The following ZNF19 variants were observed in gnomAD, a reference collection of about 807,000 sequenced individuals.
ZNF19 encodes zinc finger protein 19 (KOX 12).
ZNF19 carries 11 observed loss-of-function variants against 13.1 expected under a neutral mutation model. The ratio of observed to expected loss-of-function variants is 0.84; its 90% CI spans 0.53 to 1.39. ZNF19 has a LOEUF of 1.39. Ranked by LOEUF, ZNF19 falls within the 40% of genes most tolerant of loss-of-function variation. The pLI, the probability that ZNF19 is intolerant of heterozygous loss-of-function variation, is 0.00. For synonymous variants in ZNF19, 186 were observed against 187.0 expected, an observed-to-expected ratio of 0.99 and a Z score of 0.04; for missense variants, 560 against 547.0, an observed-to-expected ratio of 1.02 and a Z score of -0.24.
chr16:71,483,474 T>C (rs1227787996), intron 2 of ZNF19, among the ~76,000 whole-genome samples: 1 of 152,194 alleles, frequency 6.6e-6, no homozygotes, highest in Non-Finnish European at 1.5e-5. Flanking sequence ...AGGACCTTCA[T>C]ACCTGCTGTT....
rs1313143599 is a variant in ZNF19, at chr16:71,473,702, A to G, written c.*1468T>C. 1 of 152,170 alleles carries G rather than the reference A, an allele frequency of 6.6e-6. No homozygotes were observed. Among genetic ancestry groups the G allele is most frequent in the Non-Finnish European group, 1.5e-5 (1 of 68,054 alleles). 9.4% of individuals were successfully genotyped at this position (152,170 alleles called of 1,614,324 possible). On this transcript the variant is annotated 3_prime_UTR_variant, in exon 6 of 6. Coordinates refer to ENST00000288177, the MANE Select transcript of ZNF19 (RefSeq NM_006961.4). ...CGGGTTCAAGCAATTCGCCTGCCCC[A>G]GCTTCCTGAGCAGCTGGGACTACAG...
chr16:71,479,116 A>G, intron 3 of ZNF19, 111 bp from the exon 4 acceptor site: 1 of 1,468,704 alleles, frequency 6.8e-7, no homozygotes, highest in Non-Finnish European at 9.5e-7. Flanking sequence ...AGGGATAGGT[A>G]ATGAGAAAAT....
chr16:71,482,046 C>T, intron 3 of ZNF19, 36 bp downstream of exon 3: 2 of 1,612,358 alleles, frequency 1.2e-6, no homozygotes, highest in Non-Finnish European at 1.7e-6. Context: ...TCAACTCAGA[C>T]CTCCATAGAG....
At position 71,475,099 on chromosome 16, in the gene ZNF19, G is replaced by A; in HGVS notation, c.*71C>T. On this transcript the variant is annotated 3_prime_UTR_variant, in exon 6 of 6. Coordinates refer to ENST00000288177, the MANE Select transcript of ZNF19 (RefSeq NM_006961.4). ...GAGGGATGGATCAGAGGCTGAGTCA[G>A]GCCTGTGTCACACATTCCATTCCTG... 3 of 1,471,734 alleles carry A rather than the reference G, an allele frequency of 2.0e-6. No homozygotes were observed. Among genetic ancestry groups the A allele is most frequent in the Non-Finnish European group, 2.7e-6 (3 of 1,103,290 alleles). The allele number at this position is 1,471,734 out of a possible 1,614,324, so 91.2% of individuals were successfully genotyped here. A position where few individuals can be genotyped will look rare whatever the true frequency, so the allele number is the denominator to read the frequency against.
rs775965261 is a variant in ZNF19, at chr16:71,478,276, C to G, written c.226G>C (p.Glu76Gln). 6.2e-7 allele frequency: 1 copy of G among 1,614,100 alleles called. No homozygotes were observed. Among genetic ancestry groups the G allele is most frequent in the South Asian group, 1.1e-5 (1 of 91,060 alleles). ...LERGDMAWGLEAQDDPPAERT... is the reference protein window; with the variant it reads ...LERGDMAWGLQAQDDPPAERT... ...TCTGCTGGGGGATCATCCTGTGCTT[C>G]CAGGCCCCAAGCCATGTCCCCTCTC... The change falls in exon 5 of 6, where the codon GAA (glutamate) becomes CAA (glutamine). Residue 76 changes from glutamate (E) to glutamine (Q), a missense_variant. Transcript: ENST00000288177.
At chr16:71,488,630 C>T (rs1355238490) in intron 1 of ZNF19, among the ~76,000 whole-genome samples, 1 of 152,096 alleles carries the variant, frequency 6.6e-6, no homozygotes, top group Non-Finnish European at 1.5e-5. Context: ...GAAACCCCGT[C>T]TCTACTAAAA....
In ZNF19 at chr16:71,478,810, C is replaced by G. The variant is rs999690539; in HGVS notation, c.160+69G>C. 2.1e-5 allele frequency: 33 copies of G among 1,577,662 alleles called. 1 individual carries two copies. The highest frequency in any genetic ancestry group is 4.5e-5 in the East Asian group (2 of 44,514). ...TCCTCTCCACTCCACACTCCTCCCC[C>G]CAGGCTGTAAAAGAAGGAAGGAAAC... On this transcript the variant is annotated intron_variant, in intron 4 of 5. Coordinates refer to ENST00000288177, the MANE Select transcript of ZNF19 (RefSeq NM_006961.4).
rs550803737 is a variant in ZNF19 at position 71,474,688 on chromosome 16, C to T, written c.*482G>A. On this transcript the variant is annotated 3_prime_UTR_variant, in exon 6 of 6. Coordinates refer to ENST00000288177, the MANE Select transcript of ZNF19 (RefSeq NM_006961.4). ...CCCTGAAAACTTCAAACAACTGCTA[C>T]AATGACAACACTGTTTAAGTCAAAA... The T allele has an allele frequency of 6.3e-6, 1 of 158,552 alleles. No individual in the cohort carries two copies. Among genetic ancestry groups the T allele is most frequent in the African/African-American group, 2.4e-5 (1 of 41,488 alleles). 9.8% of individuals were successfully genotyped at this position (158,552 alleles called of 1,614,324 possible). A position where few individuals can be genotyped will look rare whatever the true frequency, so the allele number is the denominator to read the frequency against.
In ZNF19 at chr16:71,484,756, A is replaced by G. The variant is rs2043664344; in HGVS notation, c.-189-8T>C. On this transcript the variant is annotated splice_region_variant and splice_polypyrimidine_tract_variant and intron_variant, in intron 1 of 5. Transcript: ENST00000288177. ...CCGGGGATCCTCAGAGACCTTGAAT[A>G]GGAAAGAAAGTATATCATTGTTTTC... 1 of 984,636 alleles carries G rather than the reference A, an allele frequency of 1.0e-6. No individual in the cohort carries two copies. Among genetic ancestry groups the G allele is most frequent in the African/African-American group, 1.7e-5 (1 of 57,220 alleles). 61.0% of individuals were successfully genotyped at this position (984,636 alleles called of 1,614,324 possible). A position where few individuals can be genotyped will look rare whatever the true frequency, so the allele number is the denominator to read the frequency against.
Position 71,484,583 on chromosome 16 carries a change from A to C in ZNF19, c.-30+6T>G, listed in dbSNP as rs1293781920. The C allele has an allele frequency of 1.0e-6, 1 of 985,080 alleles. No individual in the cohort carries two copies. The highest frequency in any genetic ancestry group is 1.2e-6 in the Non-Finnish European group (1 of 829,912). 61.0% of individuals were successfully genotyped at this position (985,080 alleles called of 1,614,324 possible). A position where few individuals can be genotyped will look rare whatever the true frequency, so the allele number is the denominator to read the frequency against. On this transcript the variant is annotated splice_donor_region_variant and intron_variant, in intron 2 of 5. Coordinates refer to ENST00000288177, the MANE Select transcript of ZNF19 (RefSeq NM_006961.4). ...GGACTCCTAGGCGACAAACCCCAACACTCACCTCAGGAAAAACAGAAAGCG... is the reference window on the plus strand; with the variant it reads ...GGACTCCTAGGCGACAAACCCCAACCCTCACCTCAGGAAAAACAGAAAGCG...
intron 3 of ZNF19, among the ~76,000 whole-genome samples, chr16:71,480,719 A>C (rs2043631805): frequency 6.6e-6 from 1 of 152,230 alleles, no homozygotes; most frequent in African/African-American, 2.4e-5. Flanking sequence ...TCTTGAATGA[A>C]TCACCACTAA....
In ZNF19 at chr16:71,475,521, T is replaced by C. The variant is rs750391600; in HGVS notation, c.1026A>G (p.Thr342=). 1 of 1,613,540 alleles carries C rather than the reference T, an allele frequency of 6.2e-7. No homozygotes were observed. The highest frequency in any genetic ancestry group is 8.5e-7 in the Non-Finnish European group (1 of 1,179,822). ...GAATTCTCTGGTGCCGAGTTAGTTT[T>C]GTATGAAAATTGAAGGCTTGTCCAC... ...KVCGQAFNFH[T]KLTRHQRIHS... is the part of the protein sequence containing the mutation. Residue 342 remains threonine, a synonymous_variant, in exon 6 of 6, where the codon ACA becomes ACG. Transcript: ENST00000288177.
intron 5 of ZNF19, among the ~76,000 whole-genome samples, chr16:71,477,706 T>C (rs145021855): frequency 6.6e-6 from 1 of 152,260 alleles, no homozygotes; most frequent in Admixed American, 6.5e-5. Context: ...CCTCACGCCC[T>C]GTGCTCAGCT....
chr16:71,482,598 G>A (rs749537712), intron 2 of ZNF19, among the ~76,000 whole-genome samples: 2 of 152,114 alleles, frequency 1.3e-5, no homozygotes, highest in Admixed American at 1.3e-4. Flanking sequence ...CAAATGAGAA[G>A]ACAAGGCTAA....
At chr16:71,482,302 A>T in intron 2 of ZNF19, 159 bp from the exon 3 acceptor site, 1 of 636,320 alleles carries the variant, frequency 1.6e-6, no homozygotes, top group Non-Finnish European at 2.7e-6. Flanking sequence ...TCATACCATG[A>T]GGTTTGTAAT....
Position 71,475,934 on chromosome 16 carries a change from T to A in ZNF19, c.613A>T (p.Ile205Phe), listed in dbSNP as rs369036617. ...GKAFNGNSSL[I>F]RHQRIHTGER... is the part of the protein sequence containing the mutation. ...CCAGTGTGAATCCTCTGGTGCCGAATTAACGAAGAATTACCATTAAAGGCT... is the reference window on the plus strand; with the variant it reads ...CCAGTGTGAATCCTCTGGTGCCGAAATAACGAAGAATTACCATTAAAGGCT... The change falls in exon 6 of 6, where the codon ATT (isoleucine) becomes TTT (phenylalanine). Residue 205 changes from isoleucine (I) to phenylalanine (F), a missense_variant. Transcript: ENST00000288177. The A allele has an allele frequency of 1.9e-6, 3 of 1,612,342 alleles. No homozygotes were observed. The African/African-American group carries it at 4.0e-5, about 22-fold the overall frequency.
At chr16:71,479,758 T>A (rs2043626131) in intron 3 of ZNF19, among the ~76,000 whole-genome samples, 1 of 152,018 alleles carries the variant, frequency 6.6e-6, no homozygotes, top group Non-Finnish European at 1.5e-5. Context: ...CTTCTTGGGT[T>A]TTTTTTTCTT....
chr16:71,479,454 C>A (rs1214704640), intron 3 of ZNF19, among the ~76,000 whole-genome samples: 1 of 152,134 alleles, frequency 6.6e-6, no homozygotes, highest in Non-Finnish European at 1.5e-5. Flanking sequence ...ATGTGTTCAC[C>A]CTGCCCCAAA....
chr16:71,481,940 C>A lies in ZNF19; in HGVS notation c.33+142G>T, dbSNP rs528424335. 3.0e-4 allele frequency: 258 copies of A among 854,318 alleles called. No homozygotes were observed. In the African/African-American group the frequency reaches 3.7e-3, roughly 12 times the overall value. The allele number at this position is 854,318 out of a possible 1,614,324, so 52.9% of individuals were successfully genotyped here. A position where few individuals can be genotyped will look rare whatever the true frequency, so the allele number is the denominator to read the frequency against. On this transcript the variant is annotated intron_variant, in intron 3 of 5. Transcript: ENST00000288177. ...CATCTTCACTGCCCCTAGCTCTTTC[C>A]CCAGCACCCAGTCCTACTGGAGGGA...
Sources: allele counts gnomAD v4.1 joint callset (sites outside exome capture counted in the v4.1 genomes callset), GRCh38; gene constraint gnomAD v4.1.1; transcripts MANE v1.5; gene names NCBI Gene and HGNC (gene_info 2026-07-23, HGNC 2026-07-21).